The following NLGN1 variants were observed in gnomAD, a reference collection of about 807,000 sequenced individuals.
NLGN1 encodes neuroligin-1.
A neutral mutation model predicts 65.5 loss-of-function variants in NLGN1; 12 were observed. The ratio of observed to expected loss-of-function variants is 0.18; its 90% confidence interval spans 0.12 to 0.30. The LOEUF is 0.30. NLGN1 is among the 10% of genes least tolerant of loss of function. The probability of loss-of-function intolerance (pLI) is 1.00; values close to 1 mark genes in which losing one functional copy is unlikely to be tolerated. For missense variants in NLGN1, 750 were observed against 1,007.1 expected (o/e 0.74, Z 3.46); for synonymous variants, 350 against 359.5 (o/e 0.97, Z 0.30).
At chr3:174,099,293 G>T (rs1004028985) in intron 4 of NLGN1, among the ~76,000 whole-genome samples, 1 of 150,598 alleles carries the variant, frequency 6.6e-6, no homozygotes, top group African/African-American at 2.5e-5. Flanking sequence ...CATCGTGAAT[G>T]AATTATAATT....
intron 4 of NLGN1, among the ~76,000 whole-genome samples, chr3:174,234,977 G>T (rs1741415577): frequency 9.1e-6 from 1 of 110,492 alleles, no homozygotes; most frequent in African/African-American, 4.6e-5. Flanking sequence ...GTAAAATAAA[G>T]GAATCACCTT....
At chr3:174,047,212 A>G (rs925174277) in intron 4 of NLGN1, among the ~76,000 whole-genome samples, 2 of 152,036 alleles carry the variant, frequency 1.3e-5, no homozygotes, top group African/African-American at 4.8e-5. Flanking sequence ...ATAATTTTAT[A>G]TACTGGTTGC....
intron 3 of NLGN1, among the ~76,000 whole-genome samples, chr3:173,610,997 G>A (rs1752194999): frequency 6.6e-6 from 1 of 151,956 alleles, no homozygotes; most frequent in African/African-American, 2.4e-5. Context: ...TTCTGGAACA[G>A]TATCCTTCAG....
intron 2 of NLGN1, among the ~76,000 whole-genome samples, chr3:173,452,165 T>C (rs921699723): frequency 3.9e-5 from 6 of 151,902 alleles, no homozygotes; most frequent in Admixed American, 6.6e-5. Flanking sequence ...CTGGGAGCTG[T>C]AGACTGGAGC....
chr3:174,230,712 C>G (rs1243348449), intron 4 of NLGN1, among the ~76,000 whole-genome samples: 1 of 151,986 alleles, frequency 6.6e-6, no homozygotes, highest in Non-Finnish European at 1.5e-5. Context: ...GCAAGAGGAT[C>G]GTTTGTGCCC....
chr3:173,570,543 C>A (rs935343829), intron 2 of NLGN1, among the ~76,000 whole-genome samples: 1 of 152,166 alleles, frequency 6.6e-6, no homozygotes, highest in African/African-American at 2.4e-5. Context: ...CTGCTTCCTT[C>A]TTTGTAAAAG....
intron 4 of NLGN1, among the ~76,000 whole-genome samples, chr3:174,107,730 G>A (rs549025901): frequency 5.2e-4 from 79 of 152,024 alleles, no homozygotes; most frequent in African/African-American, 1.7e-3. Flanking sequence ...TTCAGCTGAG[G>A]CTGTACCATT....
At chr3:174,127,310 C>A (rs576063480) in intron 4 of NLGN1, among the ~76,000 whole-genome samples, 8 of 152,174 alleles carry the variant, frequency 5.3e-5, no homozygotes, top group Middle Eastern at 3.4e-3. Flanking sequence ...TAGAGTGGAA[C>A]CATGTGATCC....
At chr3:173,396,474 G>A (rs1716651521), upstream of NLGN1, 1 of 152,082 alleles carries the variant, frequency 6.6e-6, no homozygotes, top group Non-Finnish European at 1.5e-5. Flanking sequence ...ATACATATAC[G>A]CGTGCCCAAG....
At chr3:173,987,640 A>G (rs1047475588) in intron 4 of NLGN1, among the ~76,000 whole-genome samples, 13 of 152,124 alleles carry the variant, frequency 8.5e-5, no homozygotes, top group African/African-American at 3.1e-4. Context: ...ACAACACCAC[A>G]ATTATCACCA....
intron 4 of NLGN1, among the ~76,000 whole-genome samples, chr3:174,233,091 G>A (rs567722033): frequency 5.7e-4 from 87 of 152,316 alleles, no homozygotes; most frequent in Non-Finnish European, 1.1e-3. Flanking sequence ...ACAGAAGGGT[G>A]CTCTGGGGTG....
chr3:173,879,408 A>T (rs996223820), intron 4 of NLGN1, among the ~76,000 whole-genome samples: 2 of 152,104 alleles, frequency 1.3e-5, no homozygotes, highest in Non-Finnish European at 2.9e-5. Context: ...TGAAATTTTA[A>T]TTCAGATATT....
At chr3:173,503,390 C>T (rs1731478204) in intron 2 of NLGN1, among the ~76,000 whole-genome samples, 1 of 152,006 alleles carries the variant, frequency 6.6e-6, no homozygotes, top group Non-Finnish European at 1.5e-5. Flanking sequence ...CATTTTCCGT[C>T]ATTATAAAGG....
intron 4 of NLGN1, among the ~76,000 whole-genome samples, chr3:173,885,033 C>T (rs922465197): frequency 2.6e-5 from 4 of 152,100 alleles, no homozygotes; most frequent in African/African-American, 9.7e-5. Context: ...CTGCTAAAGT[C>T]CCCACCTTTG....
intron 3 of NLGN1, among the ~76,000 whole-genome samples, chr3:173,734,381 AT>A (rs71162356): frequency 0.087 from 3,500 of 40,022 alleles, 117 homozygotes; most frequent in Middle Eastern, 0.18. Context: ...GGATAATTCT[AT>A]TTTTTTTTTT....
intron 4 of NLGN1, among the ~76,000 whole-genome samples, chr3:173,899,582 G>A (rs1055501014): frequency 2.6e-5 from 4 of 152,116 alleles, no homozygotes; most frequent in Non-Finnish European, 4.4e-5. Context: ...TTAAATGGTT[G>A]AGAAAAATCA....
intron 4 of NLGN1, among the ~76,000 whole-genome samples, chr3:174,162,900 A>G (rs1457170863): frequency 3.3e-5 from 5 of 151,740 alleles, no homozygotes; most frequent in Non-Finnish European, 7.4e-5. Flanking sequence ...GGTAAATGAA[A>G]TATCAGTTTT....
intron 5 of NLGN1, among the ~76,000 whole-genome samples, chr3:174,275,972 GT>G: frequency 6.6e-6 from 1 of 151,962 alleles, no homozygotes; most frequent in South Asian, 2.1e-4. Context: ...TCATAAGCTA[GT>G]TTGTCTGAAA....
At chr3:174,165,438 G>A (rs1299884817) in intron 4 of NLGN1, among the ~76,000 whole-genome samples, 1 of 151,702 alleles carries the variant, frequency 6.6e-6, no homozygotes, top group East Asian at 1.9e-4. Context: ...AAGCTTTTTG[G>A]GCATCTGTTG....
Sources: gnomAD v4.1 joint callset for allele counts (sites outside exome capture counted in the v4.1 genomes callset) on GRCh38, gnomAD v4.1.1 for gene constraint, MANE v1.5 for transcripts, NCBI Gene and HGNC (gene_info 2026-07-23, HGNC 2026-07-21) for gene names.